NYAP2: variants seen among roughly 807,000 people sequenced by gnomAD.
The protein encoded by NYAP2 is neuronal tyrosine-phosphorylated phosphoinositide-3-kinase adaptor 2.
Under a neutral mutation model 50.4 loss-of-function variants are expected in NYAP2, and 23 were observed. That is an observed-to-expected ratio of 0.46 (90% CI 0.33 to 0.65). The LOEUF (loss-of-function observed/expected upper bound fraction) is 0.65. Among genes scored for constraint, NYAP2 ranks in the 30% least tolerant of loss-of-function variants. The probability of loss-of-function intolerance (pLI) is 0.02; values close to 1 mark genes in which losing one functional copy is unlikely to be tolerated. For synonymous variants in NYAP2, 394 were observed against 365.2 expected (o/e 1.08, Z -0.90); for missense variants, 885 against 861.0 (o/e 1.03, Z -0.35).
rs1328397756 is a variant in NYAP2 at position 225,521,111 on chromosome 2, GTA to G, written c.523+7440_523+7441del. Among the ~76,000 whole-genome samples, 272 of 146,610 alleles carry G rather than the reference GTA, an allele frequency of 1.9e-3. 1 individual carries two copies. Among genetic ancestry groups the G allele is most frequent in the African/African-American group, 6.5e-3 (246 of 37,622 alleles). On this transcript the variant is annotated intron_variant, in intron 4 of 6. Transcript: ENST00000636099. ...GTGTATAAGAATGCTTGTGATTTTT[GTA>G]CATTGATTTTGTATCCTGAGACTTT...
rs1449295196 is a variant in NYAP2, at chr2:225,640,559, T to C, written c.1829-10873T>C. Among the ~76,000 whole-genome samples, 4 of 152,310 alleles carry C rather than the reference T, an allele frequency of 2.6e-5. No individual in the cohort carries two copies. The Middle Eastern group carries it at 0.01, about 391-fold the overall frequency. ...GGAACTAGTCCTAGTCTTTGCTGCTTTGTGAAATTTCGTCAAACCCTTTGT... is the reference window on the plus strand; with the variant it reads ...GGAACTAGTCCTAGTCTTTGCTGCTCTGTGAAATTTCGTCAAACCCTTTGT... On this transcript the variant is annotated intron_variant, in intron 6 of 6. Transcript: ENST00000636099.
chr2:225,604,433 C>A (rs973047186), intron 5 of NYAP2, among the ~76,000 whole-genome samples: 18 of 152,054 alleles, frequency 1.2e-4, no homozygotes, highest in Non-Finnish European at 2.5e-4. Flanking sequence ...ATATTTAACT[C>A]CCTGATATCA....
chr2:225,451,031 G>A (rs1192096557), intron 3 of NYAP2, among the ~76,000 whole-genome samples: 4 of 152,148 alleles, frequency 2.6e-5, no homozygotes, highest in East Asian at 1.9e-4. Flanking sequence ...TCTAAAAGGG[G>A]ACTTAATGCT....
chr2:225,403,093 T>A (rs1694889872), intron 2 of NYAP2, among the ~76,000 whole-genome samples: 1 of 151,960 alleles, frequency 6.6e-6, no homozygotes. Flanking sequence ...TTTTTTCTCC[T>A]GCTAAACAAA....
chr2:225,529,996 C>T (rs1490355693), intron 4 of NYAP2, among the ~76,000 whole-genome samples: 4 of 152,182 alleles, frequency 2.6e-5, no homozygotes, highest in South Asian at 2.1e-4. Flanking sequence ...CGTGAGCCAC[C>T]GTGCCTGGCC....
chr2:225,564,963 C>G (rs1300768103), intron 4 of NYAP2, among the ~76,000 whole-genome samples: 1 of 151,960 alleles, frequency 6.6e-6, no homozygotes, highest in African/African-American at 2.4e-5. Context: ...AACCCCATCT[C>G]TACTAAAAAT....
chr2:225,626,997 G>T, exon 6 of NYAP2: 2 of 1,589,878 alleles, frequency 1.3e-6, no homozygotes, highest in Non-Finnish European at 1.7e-6. Flanking sequence ...AGGCCACCAT[G>T]GGGCGTCTTC....
At chr2:225,501,180 T>G (rs1690599843) in intron 3 of NYAP2, among the ~76,000 whole-genome samples, 1 of 152,224 alleles carries the variant, frequency 6.6e-6, no homozygotes, top group Non-Finnish European at 1.5e-5. Context: ...TAGGAACATG[T>G]GTTCTCCCTC....
At chr2:225,483,958 G>T (rs1399675199) in intron 3 of NYAP2, among the ~76,000 whole-genome samples, 1 of 152,160 alleles carries the variant, frequency 6.6e-6, no homozygotes. Flanking sequence ...ATATGTGAAA[G>T]AAATTTCTTA....
chr2:225,475,505 A>T (rs1690088132), intron 3 of NYAP2, among the ~76,000 whole-genome samples: 1 of 152,250 alleles, frequency 6.6e-6, no homozygotes, highest in South Asian at 2.1e-4. Context: ...AGGTAGGGAA[A>T]AACAATTATA....
At chr2:225,618,855 A>G (rs139034434) in intron 5 of NYAP2, among the ~76,000 whole-genome samples, 330 of 152,366 alleles carry the variant, frequency 2.2e-3, no homozygotes, top group African/African-American at 7.7e-3. Flanking sequence ...GGAGACAGGC[A>G]GGTAGGGGCT....
the NYAP2 span, chr2:225,698,245 C>G: frequency 6.6e-6 from 1 of 152,084 alleles, no homozygotes; most frequent in African/African-American, 2.4e-5. Context: ...TAAGAAACTA[C>G]TAGCACAGTG....
intron 4 of NYAP2, among the ~76,000 whole-genome samples, chr2:225,515,415 A>G (rs1225199334): frequency 6.6e-6 from 1 of 152,186 alleles, no homozygotes; most frequent in East Asian, 1.9e-4. Flanking sequence ...TTGTTGATGA[A>G]TACTCAGATT....
chr2:225,408,486 C>T (rs867408341), intron 2 of NYAP2, among the ~76,000 whole-genome samples: 2 of 151,904 alleles, frequency 1.3e-5, no homozygotes, highest in Admixed American at 1.3e-4. Context: ...GTCTTTATGG[C>T]AATCAGAAAT....
At chr2:225,654,396 T>A (rs1693791092), downstream of NYAP2, among the ~76,000 whole-genome samples, 1 of 151,856 alleles carries the variant, frequency 6.6e-6, no homozygotes. Context: ...TTAAAACAAA[T>A]AAAAGGCCAG....
intron 5 of NYAP2, among the ~76,000 whole-genome samples, chr2:225,621,359 T>C (rs576975819): frequency 5.3e-5 from 8 of 152,362 alleles, no homozygotes; most frequent in African/African-American, 1.9e-4. Context: ...GCCTTTACAA[T>C]ATTTTGACTT....
At chr2:225,637,735 A>C (rs759753162) in intron 6 of NYAP2, among the ~76,000 whole-genome samples, 1 of 152,204 alleles carries the variant, frequency 6.6e-6, no homozygotes, top group Non-Finnish European at 1.5e-5. Context: ...ATGCATGTTT[A>C]TCAGAGAAAG....
At chr2:225,607,770 G>A (rs1254118320) in intron 5 of NYAP2, among the ~76,000 whole-genome samples, 1 of 152,078 alleles carries the variant, frequency 6.6e-6, no homozygotes, top group South Asian at 2.1e-4. Context: ...GGTCTTAAAT[G>A]GAAAAGGACT....
chr2:225,470,709 G>A (rs1689998923), intron 3 of NYAP2, among the ~76,000 whole-genome samples: 1 of 152,058 alleles, frequency 6.6e-6, no homozygotes, highest in Non-Finnish European at 1.5e-5. Context: ...AAAAACAAAA[G>A]CAAGAACCTA....
Sources: allele counts gnomAD v4.1 joint callset (sites outside exome capture counted in the v4.1 genomes callset), GRCh38; gene constraint gnomAD v4.1.1; transcripts MANE v1.5; gene names NCBI Gene and HGNC (gene_info 2026-07-23, HGNC 2026-07-21).